Variants in CSMD1 observed in about 807,000 individuals in gnomAD.
CSMD1 encodes CUB and sushi domain-containing protein 1.
Under a neutral mutation model 417.5 loss-of-function variants are expected in CSMD1, and 213 were observed. The ratio of observed to expected loss-of-function variants is 0.51; its 90% CI spans 0.46 to 0.57. The LOEUF (loss-of-function observed/expected upper bound fraction) is 0.57, where lower values mean the gene tolerates loss of function less well. Ranked by LOEUF, CSMD1 falls within the 20% of genes least tolerant of loss-of-function variation. The pLI, the probability that CSMD1 is intolerant of heterozygous loss-of-function variation, is 0.00. For missense variants in CSMD1, 6,923 were observed against 4,529.7 expected, an observed-to-expected ratio of 1.53 and a Z score of -15.17; for synonymous variants, 2,862 against 1,736.8, an observed-to-expected ratio of 1.65 and a Z score of -16.11.
At chr8:4,294,498 G>A (rs987805677) in intron 3 of CSMD1, among the ~76,000 whole-genome samples, 3 of 152,036 alleles carry the variant, frequency 2.0e-5, no homozygotes, top group Non-Finnish European at 2.9e-5. Flanking sequence ...TTTAACCTCA[G>A]GATAATGCCA....
chr8:4,156,557 G>C lies in CSMD1; in HGVS notation c.416-124458C>G, dbSNP rs1009479328. Among the ~76,000 whole-genome samples the C allele has an allele frequency of 7.2e-5, 11 of 151,982 alleles. 1 individual carries two copies. In the South Asian group the frequency reaches 8.3e-4, roughly 11 times the overall value. On this transcript the variant is annotated intron_variant, in intron 3 of 69. Coordinates refer to ENST00000635120, the MANE Select transcript of CSMD1 (RefSeq NM_033225.6). The stretch of plus-strand genomic sequence containing the variant: ...GACTTACTAAATTCAAATTCTAAAA[G>C]ATCACTTCTATCCACATACCCAAAA...
chr8:4,012,645 G>C (rs1429018921), intron 4 of CSMD1, among the ~76,000 whole-genome samples: 1 of 152,096 alleles, frequency 6.6e-6, no homozygotes, highest in African/African-American at 2.4e-5. Flanking sequence ...GTGTCCATCA[G>C]TTCCATGAAT....
At chr8:3,974,592 T>C (rs1813301653) in intron 5 of CSMD1, among the ~76,000 whole-genome samples, 1 of 152,034 alleles carries the variant, frequency 6.6e-6, no homozygotes, top group Non-Finnish European at 1.5e-5. Flanking sequence ...CTTTTTCTAA[T>C]AACAACCCTT....
At chr8:3,111,186 G>C (rs1816493532) in intron 42 of CSMD1, among the ~76,000 whole-genome samples, 1 of 152,178 alleles carries the variant, frequency 6.6e-6, no homozygotes, top group South Asian at 2.1e-4. Context: ...AATTCAGGTA[G>C]AGGAAAAAGG....
chr8:4,314,248 G>T (rs531468239), intron 3 of CSMD1, among the ~76,000 whole-genome samples: 1 of 151,926 alleles, frequency 6.6e-6, no homozygotes, highest in African/African-American at 2.4e-5. Context: ...ATGCCACATG[G>T]AATACAACAG....
intron 10 of CSMD1, among the ~76,000 whole-genome samples, chr8:3,521,738 G>A (rs957714545): frequency 4.6e-5 from 7 of 152,176 alleles, no homozygotes; most frequent in African/African-American, 1.7e-4. Flanking sequence ...CCTCAAAGAT[G>A]TTAAGTAAAT....
intron 3 of CSMD1, among the ~76,000 whole-genome samples, chr8:4,097,956 T>C (rs1169210969): frequency 6.6e-6 from 1 of 152,198 alleles, no homozygotes; most frequent in Admixed American, 6.5e-5. Flanking sequence ...TTGATCATGG[T>C]ATGTTCTTAT....
intron 10 of CSMD1, among the ~76,000 whole-genome samples, chr8:3,505,399 T>G (rs1796782122): frequency 6.6e-6 from 1 of 152,116 alleles, no homozygotes; most frequent in African/African-American, 2.4e-5. Flanking sequence ...TGAAGTTTCT[T>G]GAGAAATAAT....
At chr8:4,798,148 G>A (rs896480879) in intron 1 of CSMD1, among the ~76,000 whole-genome samples, 1 of 152,152 alleles carries the variant, frequency 6.6e-6, no homozygotes, top group East Asian at 1.9e-4. Flanking sequence ...ATCTCCTAAT[G>A]CTATCCCTCC....
intron 4 of CSMD1, among the ~76,000 whole-genome samples, chr8:4,017,749 C>T (rs933451720): frequency 6.6e-6 from 1 of 152,092 alleles, no homozygotes; most frequent in Non-Finnish European, 1.5e-5. Context: ...GGTACAAATG[C>T]TGAAACTTCC....
intron 3 of CSMD1, among the ~76,000 whole-genome samples, chr8:4,179,772 T>G (rs1798253098): frequency 6.6e-6 from 1 of 151,770 alleles, no homozygotes; most frequent in Non-Finnish European, 1.5e-5. Context: ...GTGAACAATA[T>G]GAACAGACAC....
At chr8:3,814,732 T>A (rs115038286) in intron 5 of CSMD1, among the ~76,000 whole-genome samples, 1 of 152,126 alleles carries the variant, frequency 6.6e-6, no homozygotes, top group African/African-American at 2.4e-5. Context: ...AATCTTAACT[T>A]AGGTATGAAT....
intron 25 of CSMD1, among the ~76,000 whole-genome samples, chr8:3,301,851 A>C (rs1804434423): frequency 6.6e-6 from 1 of 152,332 alleles, no homozygotes; most frequent in African/African-American, 2.4e-5. Flanking sequence ...GTAACAGGAA[A>C]GTCATGGGAA....
intron 3 of CSMD1, among the ~76,000 whole-genome samples, chr8:4,079,037 G>A (rs540430661): frequency 1.5e-4 from 23 of 150,798 alleles, no homozygotes; most frequent in African/African-American, 5.4e-4. Flanking sequence ...TCCAGGTATG[G>A]ACCCGACCAC....
intron 6 of CSMD1, among the ~76,000 whole-genome samples, chr8:3,720,814 C>T (rs761144004): frequency 4.0e-5 from 6 of 151,052 alleles, no homozygotes; most frequent in African/African-American, 1.5e-4. Context: ...GAACATCTAA[C>T]GTTTGAGACT....
At chr8:4,828,050 G>A (rs181081689) in intron 1 of CSMD1, among the ~76,000 whole-genome samples, 1 of 152,126 alleles carries the variant, frequency 6.6e-6, no homozygotes. Flanking sequence ...AAGAAGCGTA[G>A]TGGGATTTTT....
chr8:4,401,935 C>T lies in CSMD1; in HGVS notation c.415+18018G>A, dbSNP rs549841415. Among the ~76,000 whole-genome samples, 13 of 152,154 alleles carry T rather than the reference C, an allele frequency of 8.5e-5. No homozygotes were observed. In the East Asian group the frequency reaches 2.5e-3, roughly 30 times the overall value. Reference sequence around the variant, plus strand: ...CTCTTATTGAAGCCATCCATCCCACCCTGCTCTCCCGTGCATTTGATACAC... The same window carrying T: ...CTCTTATTGAAGCCATCCATCCCACTCTGCTCTCCCGTGCATTTGATACAC... On this transcript the variant is annotated intron_variant, in intron 3 of 69. Coordinates refer to ENST00000635120, the MANE Select transcript of CSMD1 (RefSeq NM_033225.6).
At chr8:3,813,266 C>A (rs554542754) in intron 5 of CSMD1, among the ~76,000 whole-genome samples, 1 of 151,988 alleles carries the variant, frequency 6.6e-6, no homozygotes, top group Non-Finnish European at 1.5e-5. Context: ...AATCAAATTG[C>A]TATCCATGCA....
chr8:4,687,836 TACAC>T (rs35687334), intron 1 of CSMD1, among the ~76,000 whole-genome samples: 3,738 of 148,954 alleles, frequency 0.025, 92 homozygotes, highest in South Asian at 0.077. Context: ...CATACATACA[TACAC>T]ACACACACAC....
Sources: allele counts gnomAD v4.1 joint callset (sites outside exome capture counted in the v4.1 genomes callset), GRCh38; gene constraint gnomAD v4.1.1; transcripts MANE v1.5; gene names NCBI Gene and HGNC (gene_info 2026-07-23, HGNC 2026-07-21).